GALNTL6: variants seen among roughly 807,000 people sequenced by gnomAD.
GALNTL6 encodes the protein polypeptide N-acetylgalactosaminyltransferase-like 6.
Under a neutral mutation model 73.7 loss-of-function variants are expected in GALNTL6, and 46 were observed. That is an observed-to-expected ratio of 0.62 (90% CI 0.49 to 0.80). The LOEUF (loss-of-function observed/expected upper bound fraction) is 0.80. Among genes scored for constraint, GALNTL6 ranks in the 30% least tolerant of loss-of-function variants. The pLI is 0.00. For missense variants in GALNTL6, 604 were observed against 755.0 expected, an observed-to-expected ratio of 0.80 and a Z score of 2.34; for synonymous variants, 259 against 263.7, an observed-to-expected ratio of 0.98 and a Z score of 0.17.
intron 5 of GALNTL6, among the ~76,000 whole-genome samples, chr4:172,665,687 C>T (rs1228191785): frequency 6.6e-6 from 1 of 152,162 alleles, no homozygotes; most frequent in African/African-American, 2.4e-5. Flanking sequence ...AGGGCAGGGA[C>T]TATGACTATT....
At chr4:172,419,382 G>A (rs1236527150) in intron 5 of GALNTL6, among the ~76,000 whole-genome samples, 1 of 152,044 alleles carries the variant, frequency 6.6e-6, no homozygotes, top group Admixed American at 6.6e-5. Flanking sequence ...AGAGTGCCTG[G>A]GGCACAGAAA....
chr4:173,021,754 G>A lies in GALNTL6; in HGVS notation c.1638+129G>A, dbSNP rs868652701. 2.2e-5 allele frequency: 20 copies of A among 918,332 alleles called. 1 individual carries two copies. In the Middle Eastern group the frequency reaches 4.5e-3, roughly 205 times the overall value. 56.9% of individuals were successfully genotyped at this position (918,332 alleles called of 1,614,324 possible). ...CACACCTGTAATCCTGGCACTCTGG[G>A]AGGTCGAGGTGGGCAGATCACCTGA... On this transcript the variant is annotated intron_variant, in intron 12 of 12. Transcript: ENST00000506823.
chr4:172,735,904 G>T (rs935547644), intron 5 of GALNTL6, among the ~76,000 whole-genome samples: 1 of 152,144 alleles, frequency 6.6e-6, no homozygotes, highest in Non-Finnish European at 1.5e-5. Flanking sequence ...ATGTCGGCAG[G>T]TTCCGTGATG....
intron 2 of GALNTL6, among the ~76,000 whole-genome samples, chr4:172,214,251 C>A (rs1376315453): frequency 1.3e-5 from 2 of 152,076 alleles, no homozygotes; most frequent in Non-Finnish European, 2.9e-5. Flanking sequence ...TGTCCCTTTT[C>A]TTCAGTATTG....
At chr4:172,534,642 C>G (rs1735281123) in intron 5 of GALNTL6, among the ~76,000 whole-genome samples, 1 of 151,912 alleles carries the variant, frequency 6.6e-6, no homozygotes, top group African/African-American at 2.4e-5. Flanking sequence ...GATCTTGGCT[C>G]ACTGCAACCT....
chr4:172,057,730 ATATATAT>A (rs1731072209), intron 2 of GALNTL6, among the ~76,000 whole-genome samples: 1 of 59,400 alleles, frequency 1.7e-5, no homozygotes, highest in African/African-American at 6.6e-5. Context: ...AAAAAAAAAT[ATATATAT>A]ATATATATAT....
intron 5 of GALNTL6, among the ~76,000 whole-genome samples, chr4:172,730,775 T>G (rs958701705): frequency 6.6e-6 from 1 of 152,158 alleles, no homozygotes; most frequent in African/African-American, 2.4e-5. Flanking sequence ...TCTTCAAATT[T>G]TTGTAAGAGT....
At chr4:172,130,875 A>G (rs1440893294) in intron 2 of GALNTL6, among the ~76,000 whole-genome samples, 2 of 152,084 alleles carry the variant, frequency 1.3e-5, no homozygotes, top group Admixed American at 1.3e-4. Context: ...ATATTTCATT[A>G]CACATTGGGC....
chr4:172,218,040 C>T (rs1234735642), intron 2 of GALNTL6, among the ~76,000 whole-genome samples: 1 of 151,992 alleles, frequency 6.6e-6, no homozygotes, highest in African/African-American at 2.4e-5. Flanking sequence ...TATACTGTAA[C>T]CCTATTACTA....
chr4:172,400,078 G>T (rs1229761522), intron 5 of GALNTL6, among the ~76,000 whole-genome samples: 1 of 151,984 alleles, frequency 6.6e-6, no homozygotes, highest in South Asian at 2.1e-4. Context: ...TGTTAGATTT[G>T]TGCCCTTTTA....
intron 2 of GALNTL6, among the ~76,000 whole-genome samples, chr4:172,028,735 A>C (rs7658522): frequency 0.55 from 83,740 of 151,750 alleles, 23,927 homozygotes; most frequent in East Asian, 0.66. Flanking sequence ...TATCAAAGAC[A>C]AAAAAATGCA....
intron 5 of GALNTL6, among the ~76,000 whole-genome samples, chr4:172,602,056 A>G (rs113616704): frequency 5.9e-5 from 9 of 152,258 alleles, no homozygotes; most frequent in African/African-American, 1.9e-4. Flanking sequence ...AATAAAATGA[A>G]ACTTCTAATA....
intron 5 of GALNTL6, among the ~76,000 whole-genome samples, chr4:172,717,806 A>G (rs1196124432): frequency 6.6e-6 from 1 of 152,206 alleles, no homozygotes; most frequent in Non-Finnish European, 1.5e-5. Context: ...GACTCCCCAA[A>G]ATATACTGAA....
intron 2 of GALNTL6, among the ~76,000 whole-genome samples, chr4:172,072,338 A>T (rs996401149): frequency 6.6e-6 from 1 of 151,960 alleles, no homozygotes; most frequent in Non-Finnish European, 1.5e-5. Flanking sequence ...TTTGGTCCTT[A>T]GGGTTTTTTT....
chr4:171,897,950 G>A (rs1482616136), intron 2 of GALNTL6, among the ~76,000 whole-genome samples: 1 of 151,150 alleles, frequency 6.6e-6, no homozygotes, highest in Non-Finnish European at 1.5e-5. Context: ...TAAATAAATG[G>A]AAAGTCAAAG....
chr4:172,711,874 G>A, intron 5 of GALNTL6, among the ~76,000 whole-genome samples: 1 of 152,120 alleles, frequency 6.6e-6, no homozygotes, highest in South Asian at 2.1e-4. Context: ...TAGGCCCTTG[G>A]CCAATCCATC....
intron 2 of GALNTL6, among the ~76,000 whole-genome samples, chr4:171,818,989 T>G (rs1216371619): frequency 6.6e-6 from 1 of 151,054 alleles, no homozygotes; most frequent in East Asian, 1.9e-4. Context: ...GTATGCAAAC[T>G]GTCTTAGGCA....
intron 2 of GALNTL6, among the ~76,000 whole-genome samples, chr4:172,078,665 A>G (rs1490541260): frequency 6.6e-6 from 1 of 152,152 alleles, no homozygotes; most frequent in Non-Finnish European, 1.5e-5. Flanking sequence ...TGATATGTAG[A>G]ACTAGTATTT....
At chr4:171,990,181 C>A (rs1224090479) in intron 2 of GALNTL6, among the ~76,000 whole-genome samples, 2 of 152,158 alleles carry the variant, frequency 1.3e-5, no homozygotes, top group Non-Finnish European at 2.9e-5. Flanking sequence ...AGTAAATTTA[C>A]TTCCTTTTAT....
Sources: allele counts gnomAD v4.1 joint callset (sites outside exome capture counted in the v4.1 genomes callset), GRCh38; gene constraint gnomAD v4.1.1; transcripts MANE v1.5; gene names NCBI Gene and HGNC (gene_info 2026-07-23, HGNC 2026-07-21).